Variants in ERC2 observed in about 807,000 individuals in gnomAD.
The protein encoded by ERC2 is ELKS/RAB6-interacting/CAST family member 2.
Under a neutral mutation model 114.8 loss-of-function variants are expected in ERC2, and 42 were observed. The ratio of observed to expected loss-of-function variants is 0.37; its 90% CI spans 0.29 to 0.47. ERC2 has a LOEUF of 0.47. Ranked by LOEUF, ERC2 falls within the 20% of genes least tolerant of loss-of-function variation. The pLI, the probability that ERC2 is intolerant of heterozygous loss-of-function variation, is 0.99. For synonymous variants in ERC2, 454 were observed against 425.5 expected, an observed-to-expected ratio of 1.07 and a Z score of -0.82; for missense variants, 939 against 1,150.7, an observed-to-expected ratio of 0.82 and a Z score of 2.66.
intron 3 of ERC2, among the ~76,000 whole-genome samples, chr3:56,193,547 A>G (rs1214300307): frequency 6.6e-6 from 1 of 152,098 alleles, no homozygotes; most frequent in Non-Finnish European, 1.5e-5. Context: ...AATTAGTTGT[A>G]GGCAAGATCG....
chr3:56,013,743 G>A (rs2073118197), intron 8 of ERC2, among the ~76,000 whole-genome samples: 3 of 152,268 alleles, frequency 2.0e-5, no homozygotes, highest in Non-Finnish European at 1.5e-5. Context: ...GTTTCTCAAA[G>A]TGTAGCCTTC....
chr3:55,999,869 G>A (rs2149544025), intron 10 of ERC2, among the ~76,000 whole-genome samples: 1 of 151,600 alleles, frequency 6.6e-6, no homozygotes, highest in South Asian at 2.1e-4. Flanking sequence ...TTGACAAAGT[G>A]ATCCTAAAAT....
At chr3:56,084,831 C>T (rs1372504682) in intron 6 of ERC2, among the ~76,000 whole-genome samples, 6 of 147,488 alleles carry the variant, frequency 4.1e-5, no homozygotes, top group African/African-American at 1.5e-4. Flanking sequence ...TAACCAAAAA[C>T]TACCTATACC....
At chr3:56,125,664 A>G (rs1202587978) in intron 6 of ERC2, among the ~76,000 whole-genome samples, 1 of 152,216 alleles carries the variant, frequency 6.6e-6, no homozygotes, top group Non-Finnish European at 1.5e-5. Context: ...TTTTACATCC[A>G]AATTACCCTC....
At chr3:56,092,654 T>G (rs1049301834) in intron 6 of ERC2, among the ~76,000 whole-genome samples, 1 of 152,198 alleles carries the variant, frequency 6.6e-6, no homozygotes, top group Non-Finnish European at 1.5e-5. Flanking sequence ...AGTAAGCCAT[T>G]CCAAAGTCAA....
chr3:55,861,826 G>A (rs2062041446), intron 14 of ERC2, among the ~76,000 whole-genome samples: 1 of 152,094 alleles, frequency 6.6e-6, no homozygotes, highest in African/African-American at 2.4e-5. Context: ...AGCCTCTCTG[G>A]GCCTCAGTTT....
chr3:55,997,499 T>C (rs1184277751), intron 10 of ERC2, among the ~76,000 whole-genome samples: 1 of 148,310 alleles, frequency 6.7e-6, no homozygotes, highest in Non-Finnish European at 1.5e-5. Flanking sequence ...ATTATTGAGT[T>C]ATAATATTTA....
intron 14 of ERC2, among the ~76,000 whole-genome samples, chr3:55,739,018 TTC>T (rs2065815646): frequency 6.6e-6 from 1 of 152,178 alleles, no homozygotes; most frequent in Admixed American, 6.5e-5. Context: ...GTGTTTGGTT[TTC>T]TGTTCTTGTG....
intron 7 of ERC2, among the ~76,000 whole-genome samples, chr3:56,074,190 T>C (rs942454783): frequency 7.2e-5 from 11 of 152,066 alleles, no homozygotes; most frequent in African/African-American, 2.4e-4. Context: ...ACCAGAATAG[T>C]GTGGTGGTTA....
At chr3:56,036,055 C>T (rs1289314618) in intron 7 of ERC2, among the ~76,000 whole-genome samples, 1 of 152,036 alleles carries the variant, frequency 6.6e-6, no homozygotes, top group Admixed American at 6.6e-5. Context: ...AATTGTTCAA[C>T]ATATGCAAAT....
At chr3:56,065,573 C>T (rs1374468305) in intron 7 of ERC2, among the ~76,000 whole-genome samples, 3 of 151,688 alleles carry the variant, frequency 2.0e-5, no homozygotes, top group Non-Finnish European at 4.4e-5. Flanking sequence ...ATGTGCAGAA[C>T]GTGCAGGTTT....
rs2061957094 is a variant in ERC2 at position 56,435,058 on chromosome 3, T to G, written c.-51A>C. The G allele has an allele frequency of 7.0e-7, 1 of 1,423,424 alleles. No homozygotes were observed. Among genetic ancestry groups the G allele is most frequent in the African/African-American group, 1.4e-5 (1 of 70,550 alleles). 88.2% of individuals were successfully genotyped at this position (1,423,424 alleles called of 1,614,324 possible). A position where few individuals can be genotyped will look rare whatever the true frequency, so the allele number is the denominator to read the frequency against. ...GAAGAGAAGAAATGCTATATTAAGT[T>G]GGGGTTTGAGCTAATATTTCCACGA... On this transcript the variant is annotated 5_prime_UTR_variant, in exon 2 of 18. Transcript: ENST00000288221.
At chr3:56,146,059 G>A (rs1379130962) in intron 5 of ERC2, among the ~76,000 whole-genome samples, 5 of 152,116 alleles carry the variant, frequency 3.3e-5, no homozygotes, top group Non-Finnish European at 5.9e-5. Context: ...GGCTGAGGCA[G>A]GCAGATCACT....
intron 17 of ERC2, among the ~76,000 whole-genome samples, chr3:55,525,380 G>A (rs2053244028): frequency 6.6e-6 from 1 of 152,124 alleles, no homozygotes; most frequent in African/African-American, 2.4e-5. Context: ...GGCACAGATG[G>A]GTAAGAAGAC....
At chr3:55,691,557 AAAAAAAAAAAAAAAAAATATATAT>A (rs1293944613) in intron 16 of ERC2, among the ~76,000 whole-genome samples, 657 of 36,958 alleles carry the variant, frequency 0.018, 20 homozygotes, top group African/African-American at 0.041. Flanking sequence ...AAAAAAAAAA[AAAAAAAAAAAAAAAAAATATATAT>A]ATATATATAT....
chr3:55,596,288 A>G (rs1294840640), intron 17 of ERC2, among the ~76,000 whole-genome samples: 1 of 152,258 alleles, frequency 6.6e-6, no homozygotes, highest in Non-Finnish European at 1.5e-5. Context: ...TTCACCCATT[A>G]AAAGACAGAG....
intron 14 of ERC2, among the ~76,000 whole-genome samples, chr3:55,753,068 A>AG (rs1462525141): frequency 6.6e-6 from 1 of 152,172 alleles, no homozygotes; most frequent in African/African-American, 2.4e-5. Flanking sequence ...TGGGGAAGAG[A>AG]GAGACTCACA....
At chr3:55,839,130 A>G (rs1418227774) in intron 14 of ERC2, among the ~76,000 whole-genome samples, 14 of 151,856 alleles carry the variant, frequency 9.2e-5, no homozygotes, top group Admixed American at 5.3e-4. Flanking sequence ...TAAGGATAAC[A>G]GAAGATTTCC....
chr3:56,355,285 C>CT (rs11427045), intron 2 of ERC2, among the ~76,000 whole-genome samples: 33,617 of 149,380 alleles, frequency 0.23, 4,214 homozygotes, highest in Non-Finnish European at 0.28. Context: ...ATTATTTCAC[C>CT]TTTTTTTTTC....
Sources: gnomAD v4.1 joint callset for allele counts (sites outside exome capture counted in the v4.1 genomes callset) on GRCh38, gnomAD v4.1.1 for gene constraint, MANE v1.5 for transcripts, NCBI Gene and HGNC (gene_info 2026-07-23, HGNC 2026-07-21) for gene names.